The following SAMD7 variants were observed in gnomAD, a reference collection of about 807,000 sequenced individuals.
SAMD7 encodes sterile alpha motif domain containing 7.
Under a neutral mutation model 36.7 loss-of-function variants are expected in SAMD7, and 34 were observed. The ratio of observed to expected loss-of-function variants is 0.93; its 90% CI spans 0.71 to 1.23. SAMD7 has a LOEUF of 1.23. Among genes scored for constraint, SAMD7 ranks in the 50% most tolerant of loss-of-function variants. The pLI is 0.00. For synonymous variants in SAMD7, 188 were observed against 189.7 expected (o/e 0.99, Z 0.07); for missense variants, 570 against 546.6 (o/e 1.04, Z -0.43).
intron 4 of SAMD7, among the ~76,000 whole-genome samples, chr3:169,924,438 T>G (rs566631198): frequency 6.6e-6 from 1 of 151,694 alleles, no homozygotes; most frequent in South Asian, 2.1e-4. Context: ...AATACAAAAA[T>G]TAGCTGGGTG....
chr3:169,926,679 C>A lies in SAMD7; in HGVS notation c.417C>A (p.Tyr139Ter). ...GTGTCCCAGCTGCCCCCGCTGCCTA[C>A]CATGGCAGGAGCATGCTCCCTGCCG... ...GSSVPAAPAA[Y>*]HGRSMLPAGD... Residue 139 changes from tyrosine (Y) to a stop codon, truncating the protein, a stop_gained, in exon 6 of 9, where the codon TAC becomes TAA. Transcript: ENST00000335556. LOFTEE classifies it high-confidence loss of function. The A allele has an allele frequency of 6.2e-7, 1 of 1,614,050 alleles. No homozygotes were observed. The highest frequency in any genetic ancestry group is 8.5e-7 in the Non-Finnish European group (1 of 1,180,004).
chr3:169,912,022 T>A (rs1013728028), intron 1 of SAMD7, among the ~76,000 whole-genome samples: 2 of 152,238 alleles, frequency 1.3e-5, no homozygotes, highest in Admixed American at 1.3e-4. Context: ...GTAAAGATGA[T>A]ATACCACTCC....
chr3:169,925,235 A>G (rs1206295878), intron 5 of SAMD7, 99 bp downstream of exon 5: 1 of 709,482 alleles, frequency 1.4e-6, no homozygotes, highest in Non-Finnish European at 2.3e-6. Flanking sequence ...GAATATATAT[A>G]ACAAATAAAT....
intron 2 of SAMD7, among the ~76,000 whole-genome samples, chr3:169,917,621 G>GTTTA (rs1294880130): frequency 9.3e-5 from 9 of 97,192 alleles, no homozygotes; most frequent in South Asian, 3.5e-4. Flanking sequence ...ATTTTTATTT[G>GTTTA]TTTGTTTATT....
chr3:169,933,205 A>G (rs1713587084), intron 7 of SAMD7: 1 of 653,000 alleles, frequency 1.5e-6, no homozygotes, highest in Non-Finnish European at 2.9e-6. Flanking sequence ...ACTGTATGGT[A>G]GAAGACACAA....
At chr3:169,918,793 G>A (rs73040292) in intron 2 of SAMD7, among the ~76,000 whole-genome samples, 2,388 of 152,256 alleles carry the variant, frequency 0.016, 50 homozygotes, top group African/African-American at 0.045. Context: ...AAGATTGAAC[G>A]TATGGGAGAA....
At chr3:169,934,437 C>A (rs1303666850) in intron 7 of SAMD7, among the ~76,000 whole-genome samples, 2 of 152,028 alleles carry the variant, frequency 1.3e-5, no homozygotes, top group African/African-American at 2.4e-5. Context: ...CAAAAAAAAA[C>A]CACCTTCATA....
chr3:169,924,205 T>G (rs1247825737), intron 4 of SAMD7, among the ~76,000 whole-genome samples: 1 of 151,878 alleles, frequency 6.6e-6, no homozygotes, highest in Non-Finnish European at 1.5e-5. Flanking sequence ...AGAACCTCAT[T>G]TTTAAAAAAG....
intron 8 of SAMD7, among the ~76,000 whole-genome samples, chr3:169,938,020 A>T (rs1439275791): frequency 1.3e-5 from 2 of 152,284 alleles, no homozygotes; most frequent in East Asian, 1.9e-4. Context: ...TCCTCCTAAC[A>T]TGCCACCACC....
At chr3:169,920,905 G>C (rs182180849) in intron 3 of SAMD7, among the ~76,000 whole-genome samples, 1 of 152,210 alleles carries the variant, frequency 6.6e-6, no homozygotes, top group Admixed American at 6.5e-5. Flanking sequence ...ACAGTAGACT[G>C]TTGGTCATGA....
intron 2 of SAMD7, among the ~76,000 whole-genome samples, chr3:169,918,894 C>T (rs1452916009): frequency 1.3e-5 from 2 of 152,210 alleles, no homozygotes; most frequent in East Asian, 3.9e-4. Flanking sequence ...CGCCTGTAAT[C>T]CCAGCACTTT....
intron 4 of SAMD7, among the ~76,000 whole-genome samples, chr3:169,922,497 TTTG>T (rs539167485): frequency 6.6e-5 from 10 of 152,310 alleles, no homozygotes; most frequent in East Asian, 1.9e-4. Context: ...TATCACCTTT[TTTG>T]TTGTTGTTGT....
Position 169,927,049 on chromosome 3 carries a change from TG to T in SAMD7, c.792del (p.Ser265LeufsTer6), listed in dbSNP as rs767499873. 6.2e-7 allele frequency: 1 copy of T among 1,611,898 alleles called. No homozygotes were observed. Among genetic ancestry groups the T allele is most frequent in the Non-Finnish European group, 8.5e-7 (1 of 1,179,338 alleles). On this transcript the variant is annotated frameshift_variant, in exon 6 of 9. Transcript: ENST00000335556. LOFTEE classifies it high-confidence loss of function. ...GELEPTHRKP[W>X]GSHTTTLKAK... is the part of the protein sequence containing the mutation. ...GCTCGAGCCCACCCATAGGAAACCCTGGGGGTCTCACACCACTACCCTGAAA... is the reference window on the plus strand; with the variant it reads ...GCTCGAGCCCACCCATAGGAAACCCTGGGGTCTCACACCACTACCCTGAAA...
chr3:169,923,019 G>C (rs1713113623), intron 4 of SAMD7, among the ~76,000 whole-genome samples: 1 of 152,192 alleles, frequency 6.6e-6, no homozygotes. Context: ...GAGGGCTCAG[G>C]AGAGACTAGG....
In SAMD7 at chr3:169,938,459, G is replaced by A. The variant is rs1204803418; in HGVS notation, c.1294G>A (p.Asp432Asn). 1 of 1,613,248 alleles carries A rather than the reference G, an allele frequency of 6.2e-7. No individual in the cohort carries two copies. The highest frequency in any genetic ancestry group is 8.5e-7 in the Non-Finnish European group (1 of 1,179,334). ...SDTMNIFCPQ[D>N]TIIPKGIERG... is the part of the protein sequence containing the mutation. ...TACAATGAACATTTTTTGTCCCCAG[G>A]ATACAATAATTCCTAAAGGAATTGA... Residue 432 changes from aspartate to asparagine, a missense_variant, in exon 9 of 9, where the codon GAT (aspartate) becomes AAT (asparagine). Coordinates refer to ENST00000335556, the MANE Select transcript of SAMD7 (RefSeq NM_001304366.2).
Position 169,926,539 on chromosome 3 carries a change from T to G in SAMD7, c.291-14T>G, listed in dbSNP as rs1379578151. ...TTTTCTTGGGCTGTATAAAATATAT[T>G]GTTTTGTTTTTAGGACAGAAATGGA... On this transcript the variant is annotated splice_polypyrimidine_tract_variant and intron_variant, in intron 5 of 8. Coordinates refer to ENST00000335556, the MANE Select transcript of SAMD7 (RefSeq NM_001304366.2). 1.9e-6 allele frequency: 3 copies of G among 1,593,746 alleles called. No homozygotes were observed. Among genetic ancestry groups the G allele is most frequent in the Non-Finnish European group, 2.6e-6 (3 of 1,168,740 alleles).
In SAMD7 at chr3:169,938,355, CTCTT is replaced by C. The variant is rs781151685; in HGVS notation, c.1193_1196del (p.Leu398HisfsTer4). 1 of 1,611,908 alleles carries C rather than the reference CTCTT, an allele frequency of 6.2e-7. No homozygotes were observed. Among genetic ancestry groups the C allele is most frequent in the South Asian group, 1.1e-5 (1 of 90,850 alleles). On this transcript the variant is annotated frameshift_variant, in exon 9 of 9. Transcript: ENST00000335556. LOFTEE classifies it low-confidence loss of function (END_TRUNC). ...GTGGGAAGTATGTTCTACAAGAAAA[CTCTT>C]TCATTTCCTATAAGACAAGCATTTG...
At chr3:169,923,754 A>G (rs992028109) in intron 4 of SAMD7, among the ~76,000 whole-genome samples, 21 of 152,210 alleles carry the variant, frequency 1.4e-4, no homozygotes, top group African/African-American at 5.1e-4. Context: ...TCAAGGCTGA[A>G]GTATAAGAGA....
intron 6 of SAMD7, among the ~76,000 whole-genome samples, chr3:169,927,833 A>G (rs1454064427): frequency 1.3e-5 from 2 of 152,178 alleles, no homozygotes; most frequent in African/African-American, 4.8e-5. Flanking sequence ...TCTTGCTTCA[A>G]AGTGTGAATT....
Sources: gnomAD v4.1 joint callset for allele counts (sites outside exome capture counted in the v4.1 genomes callset) on GRCh38, gnomAD v4.1.1 for gene constraint, MANE v1.5 for transcripts, NCBI Gene and HGNC (gene_info 2026-07-23, HGNC 2026-07-21) for gene names.